SPSB1: variants seen among roughly 807,000 people sequenced by gnomAD.
SPSB1 encodes SPRY domain-containing SOCS box protein 1.
Under a neutral mutation model 21.2 loss-of-function variants are expected in SPSB1, and 8 were observed. The ratio of observed to expected loss-of-function variants is 0.38; its 90% CI spans 0.22 to 0.68. SPSB1 has a LOEUF of 0.68. Among genes scored for constraint, SPSB1 ranks in the 30% least tolerant of loss-of-function variants. The probability of loss-of-function intolerance (pLI) is 0.53; values close to 1 mark genes in which losing one functional copy is unlikely to be tolerated. For synonymous variants in SPSB1, 169 were observed against 161.7 expected (o/e 1.05, Z -0.34); for missense variants, 242 against 377.8 (o/e 0.64, Z 2.98).
At position 9,293,000 on chromosome 1, in the gene SPSB1, G is replaced by A. The variant is rs1639144692; in HGVS notation, c.-221G>A. The A allele has an allele frequency of 2.0e-6, 2 of 982,542 alleles. No homozygotes were observed. Among genetic ancestry groups the A allele is most frequent in the African/African-American group, 1.8e-5 (1 of 56,850 alleles). The allele number at this position is 982,542 out of a possible 1,614,324, so 60.9% of individuals were successfully genotyped here. A position where few individuals can be genotyped will look rare whatever the true frequency, so the allele number is the denominator to read the frequency against. On this transcript the variant is annotated 5_prime_UTR_variant, in exon 1 of 3. Transcript: ENST00000328089. ...GGGAGGAGGCGACTTCGCTCCCTGCGGCGGGCGCGGCCCGGGCGCCCGAGC... is the reference window on the plus strand; with the variant it reads ...GGGAGGAGGCGACTTCGCTCCCTGCAGCGGGCGCGGCCCGGGCGCCCGAGC...
At chr1:9,298,308 C>A (rs1327002640) in intron 1 of SPSB1, among the ~76,000 whole-genome samples, 1 of 152,076 alleles carries the variant, frequency 6.6e-6, no homozygotes, top group Non-Finnish European at 1.5e-5. Flanking sequence ...ATAATTAAAA[C>A]AGAAAATCAC....
intron 1 of SPSB1, among the ~76,000 whole-genome samples, chr1:9,306,444 G>A (rs1485474574): frequency 6.6e-6 from 1 of 152,146 alleles, no homozygotes; most frequent in Non-Finnish European, 1.5e-5. Flanking sequence ...GTCTATAGTG[G>A]GGTCAGTGAC....
At chr1:9,306,657 C>T (rs1171029575) in intron 1 of SPSB1, among the ~76,000 whole-genome samples, 1 of 152,212 alleles carries the variant, frequency 6.6e-6, no homozygotes, top group Non-Finnish European at 1.5e-5. Context: ...GGCTCTCAGT[C>T]TTACTCTTCA....
At chr1:9,331,321 GTTTTTTT>G (rs34199175) in intron 1 of SPSB1, among the ~76,000 whole-genome samples, 3 of 53,704 alleles carry the variant, frequency 5.6e-5, no homozygotes, top group African/African-American at 2.4e-4. Context: ...TGGTGCTCTT[GTTTTTTT>G]TTTTTTTTTT....
rs1639398103 is a variant in SPSB1 at position 9,305,622 on chromosome 1, C to T, written c.-150+12551C>T. 6.6e-6 allele frequency among the ~76,000 whole-genome samples: 1 copy of T among 152,218 alleles called. No homozygotes were observed. Among genetic ancestry groups the T allele is most frequent in the South Asian group, 2.1e-4 (1 of 4,828 alleles). On this transcript the variant is annotated intron_variant, in intron 1 of 2. Transcript: ENST00000328089. The surrounding 1 kb of genome is among the most constrained non-coding windows in gnomAD (Gnocchi z 4.8). Reference sequence around the variant, plus strand: ...GGGGACTCCCCGTCACGGAACTAAACTGCCAGGTGTTCCGTTCTCAGACCA... The same window carrying T: ...GGGGACTCCCCGTCACGGAACTAAATTGCCAGGTGTTCCGTTCTCAGACCA...
rs1413927204 is a variant in SPSB1, at chr1:9,305,894, G to A, written c.-150+12823G>A. ...ATCAGAGGACACTGGTGGCAGGGGT[G>A]GCCAGGTTGGAAAGGCGGGAAGGGT... On this transcript the variant is annotated intron_variant, in intron 1 of 2. Transcript: ENST00000328089. The surrounding 1 kb of genome is among the most constrained non-coding windows in gnomAD (Gnocchi z 4.8). 1.3e-5 allele frequency among the ~76,000 whole-genome samples: 2 copies of A among 152,190 alleles called. No homozygotes were observed.
In SPSB1 at chr1:9,345,965, G is replaced by C. The variant is rs1025155644; in HGVS notation, c.-149-9778G>C. Among the ~76,000 whole-genome samples the C allele has an allele frequency of 1.3e-5, 2 of 152,140 alleles. No individual in the cohort carries two copies. Among genetic ancestry groups the C allele is most frequent in the Non-Finnish European group, 2.9e-5 (2 of 68,026 alleles). ...GCTGGTGGTGGCCCCTTTGCCAGGG[G>C]CTCCATGGCCCAGCCAGCACGGAGC... On this transcript the variant is annotated intron_variant, in intron 1 of 2. Transcript: ENST00000328089. The surrounding 1 kb of genome is among the most constrained non-coding windows in gnomAD (Gnocchi z 4.8).
At chr1:9,297,151 C>T (rs1219687730) in intron 1 of SPSB1, among the ~76,000 whole-genome samples, 1 of 152,150 alleles carries the variant, frequency 6.6e-6, no homozygotes, top group African/African-American at 2.4e-5. Context: ...TCAACAAGCT[C>T]TGAATCTGAC....
intron 1 of SPSB1, among the ~76,000 whole-genome samples, chr1:9,303,984 T>C (rs958199958): frequency 5.3e-5 from 8 of 152,196 alleles, no homozygotes; most frequent in African/African-American, 1.9e-4. Flanking sequence ...CCCAGGTGTG[T>C]CTGTGAGGGT....
chr1:9,358,764 C>A (rs932362493), intron 2 of SPSB1, among the ~76,000 whole-genome samples: 1 of 152,154 alleles, frequency 6.6e-6, no homozygotes, highest in Non-Finnish European at 1.5e-5. Flanking sequence ...AGGAACATGC[C>A]CCCTGATGCT....
intron 1 of SPSB1, among the ~76,000 whole-genome samples, chr1:9,300,557 A>G (rs554824510): frequency 1.3e-5 from 2 of 152,222 alleles, no homozygotes; most frequent in South Asian, 4.1e-4. Context: ...ATTCCTTTTG[A>G]GAGACAGCTC....
intron 1 of SPSB1, among the ~76,000 whole-genome samples, chr1:9,354,283 G>A (rs1031267441): frequency 2.0e-5 from 3 of 152,102 alleles, no homozygotes; most frequent in African/African-American, 7.2e-5. Context: ...AGTAACAAGC[G>A]ACCCAGCGTG....
At chr1:9,300,438 C>T (rs758220862) in intron 1 of SPSB1, among the ~76,000 whole-genome samples, 7 of 152,166 alleles carry the variant, frequency 4.6e-5, no homozygotes, top group East Asian at 3.8e-4. Flanking sequence ...TTGAGGTCAG[C>T]GGCAGACAGG....
rs576950030 is a variant in SPSB1 at position 9,299,413 on chromosome 1, A to G, written c.-150+6342A>G. Among the ~76,000 whole-genome samples the G allele has an allele frequency of 5.9e-5, 9 of 152,298 alleles. No homozygotes were observed. In the South Asian group the frequency reaches 1.7e-3, roughly 28 times the overall value. On this transcript the variant is annotated intron_variant, in intron 1 of 2. Coordinates refer to ENST00000328089, the MANE Select transcript of SPSB1 (RefSeq NM_025106.4). ...TAGCACTTCAGGAGGCCGAGGCAGG[A>G]GGATCGCTTGAACTTAGGAGTTTGA... is the stretch of plus-strand genomic sequence containing the variant.
At chr1:9,338,678 C>T (rs902271934) in intron 1 of SPSB1, among the ~76,000 whole-genome samples, 1 of 152,250 alleles carries the variant, frequency 6.6e-6, no homozygotes, top group African/African-American at 2.4e-5. Flanking sequence ...TTGAGTCTGG[C>T]CTTGCAGGCA....
chr1:9,355,797 AT>A lies in SPSB1; in HGVS notation c.-93del. ...GGTCTCCTGGCAGCCCTCATTAGGA[AT>A]TCTGTCTGGCCCCGATCAGAATACT... On this transcript the variant is annotated 5_prime_UTR_variant, in exon 2 of 3. Coordinates refer to ENST00000328089, the MANE Select transcript of SPSB1 (RefSeq NM_025106.4). 9 of 1,495,256 alleles carry A rather than the reference AT, an allele frequency of 6.0e-6. No individual in the cohort carries two copies. The highest frequency in any genetic ancestry group is 6.2e-6 in the Non-Finnish European group (7 of 1,123,272). 92.6% of individuals were successfully genotyped at this position (1,495,256 alleles called of 1,614,324 possible).
Position 9,356,378 on chromosome 1 carries a change from G to A in SPSB1, c.487G>A (p.Ala163Thr). 6.2e-7 allele frequency: 1 copy of A among 1,614,138 alleles called. No individual in the cohort carries two copies. The highest frequency in any genetic ancestry group is 8.5e-7 in the Non-Finnish European group (1 of 1,180,038). The change falls in exon 2 of 3, where the codon GCC becomes ACC. Residue 163 changes from alanine to threonine, a missense_variant. By Grantham distance (58) the Ala-to-Thr change is moderately conservative. Coordinates refer to ENST00000328089, the MANE Select transcript of SPSB1 (RefSeq NM_025106.4). This position sits in a 1 kb window ranked among gnomAD's most constrained non-coding sequence, Gnocchi z 7.4. ...GAACCAGCCAAGCAAAACATACCCA[G>A]CCTTTCTGGAACCAGATGAGACATT... The part of the protein sequence containing the change: ...GKNQPSKTYP[A>T]FLEPDETFIV...
intron 1 of SPSB1, among the ~76,000 whole-genome samples, chr1:9,333,277 C>A (rs116063121): frequency 1.3e-5 from 2 of 151,972 alleles, no homozygotes; most frequent in Non-Finnish European, 2.9e-5. Flanking sequence ...CATTTATCTC[C>A]TTTTTCAAGT....
At chr1:9,316,868 C>T (rs567237241) in intron 1 of SPSB1, among the ~76,000 whole-genome samples, 96 of 152,302 alleles carry the variant, frequency 6.3e-4, no homozygotes, top group African/African-American at 2.2e-3. Flanking sequence ...CTTGTGACCT[C>T]TCTGAGCCTC....
Sources: gnomAD v4.1 joint callset for allele counts (sites outside exome capture counted in the v4.1 genomes callset) on GRCh38, gnomAD v4.1.1 for gene constraint, Gnocchi (gnomAD v3.1) non-coding constraint, MANE v1.5 for transcripts, NCBI Gene and HGNC (gene_info 2026-07-23, HGNC 2026-07-21) for gene names.